The following MIB1 variants were observed in gnomAD, a reference collection of about 807,000 sequenced individuals.
MIB1 encodes the protein E3 ubiquitin-protein ligase MIB1.
In MIB1, 278 loss-of-function variants were observed where a neutral mutation model predicts 124.5. The ratio of observed to expected loss-of-function variants is 2.23; its 90% CI spans 2.02 to 2.47. The LOEUF (loss-of-function observed/expected upper bound fraction) is 2.47, where lower values mean the gene tolerates loss of function less well. Among genes scored for constraint, MIB1 ranks in the 30% most tolerant of loss-of-function variants. The pLI is 0.00. For synonymous variants in MIB1, 446 were observed against 429.4 expected (o/e 1.04, Z -0.48); for missense variants, 957 against 1,254.4 (o/e 0.76, Z 3.58).
Position 21,826,071 on chromosome 18 carries a change from C to A in MIB1, c.1829+6425C>A, listed in dbSNP as rs549123091. The A allele has an allele frequency of 2.7e-5, 6 of 224,522 alleles. No homozygotes were observed. The South Asian group carries it at 3.0e-4, about 11-fold the overall frequency. The allele number at this position is 224,522 out of a possible 1,614,324, so 13.9% of individuals were successfully genotyped here. On this transcript the variant is annotated intron_variant, in intron 12 of 20. Coordinates refer to ENST00000261537, the MANE Select transcript of MIB1 (RefSeq NM_020774.4). Reference sequence around the variant, plus strand: ...ATCTTGTCCACAGCCGAAGTCTTTGCTTAATTCTTACATGTAGACAATAAG... The same window carrying A: ...ATCTTGTCCACAGCCGAAGTCTTTGATTAATTCTTACATGTAGACAATAAG...
intron 16 of MIB1, among the ~76,000 whole-genome samples, chr18:21,848,909 GT>G (rs564930457): frequency 6.0e-5 from 9 of 149,428 alleles, no homozygotes; most frequent in Non-Finnish European, 1.0e-4. Context: ...TTTATGCTAA[GT>G]TTTTTTTTTA....
intron 10 of MIB1, among the ~76,000 whole-genome samples, chr18:21,814,985 A>C (rs1268058339): frequency 7.7e-6 from 1 of 130,552 alleles, no homozygotes; most frequent in African/African-American, 2.9e-5. Context: ...ATAAATGAGG[A>C]ATGCTGAAAG....
upstream of MIB1, among the ~76,000 whole-genome samples, chr18:21,737,472 A>G (rs1225066747): frequency 6.6e-6 from 1 of 152,214 alleles, no homozygotes; most frequent in Non-Finnish European, 1.5e-5. Flanking sequence ...TGCATCAGCT[A>G]ATGGGCAAAA....
At chr18:21,736,991 C>CA (rs2040799450), upstream of MIB1, among the ~76,000 whole-genome samples, 1 of 152,182 alleles carries the variant, frequency 6.6e-6, no homozygotes, top group Non-Finnish European at 1.5e-5. Context: ...GGCAGGCCAA[C>CA]ATTCAAATTC....
At chr18:21,838,773 A>G (rs2042056617) in intron 13 of MIB1, among the ~76,000 whole-genome samples, 2 of 152,160 alleles carry the variant, frequency 1.3e-5, no homozygotes, top group African/African-American at 4.8e-5. Flanking sequence ...GGCATCAACT[A>G]ACAGAGATTT....
rs1462658561 is a variant in MIB1, at chr18:21,768,744, A to AG, written c.527dup (p.Val178GlyfsTer14). 6.2e-7 allele frequency: 1 copy of AG among 1,610,352 alleles called. No individual in the cohort carries two copies. Among genetic ancestry groups the AG allele is most frequent in the Admixed American group, 1.7e-5 (1 of 59,824 alleles). On this transcript the variant is annotated frameshift_variant, in exon 3 of 21. Coordinates refer to ENST00000261537, the MANE Select transcript of MIB1 (RefSeq NM_020774.4). LOFTEE classifies it high-confidence loss of function. ...AGATCAAGATGGAGGAAATGGACGT[A>AG]GGGGAAAGGTACAGTGTTTCTCTGA...
intron 10 of MIB1, among the ~76,000 whole-genome samples, chr18:21,808,998 C>T (rs1598621556): frequency 6.6e-6 from 1 of 151,908 alleles, no homozygotes; most frequent in East Asian, 1.9e-4. Flanking sequence ...CAATACTAGA[C>T]TTTGTCAGAT....
At chr18:21,739,221 C>A (rs569758848), upstream of MIB1, among the ~76,000 whole-genome samples, 52 of 152,264 alleles carry the variant, frequency 3.4e-4, no homozygotes, top group African/African-American at 1.2e-3. Context: ...CATACACTCT[C>A]CCAAGACTAA....
intron 1 of MIB1, among the ~76,000 whole-genome samples, chr18:21,734,867 G>T (rs563220011): frequency 3.3e-5 from 5 of 152,232 alleles, no homozygotes; most frequent in African/African-American, 1.2e-4. Flanking sequence ...CCTTCTTAGT[G>T]CTTCAAACTA....
chr18:21,741,895 G>T lies in MIB1; in HGVS notation c.229+83G>T. ...GTGGGCGTCGGTGTCGCGGGGAGAG[G>T]TCTGCAGTGGGACACCTGGTGGGCA... On this transcript the variant is annotated intron_variant, in intron 1 of 20. Transcript: ENST00000261537. The surrounding 1 kb of genome is among the most constrained non-coding windows in gnomAD (Gnocchi z 5.4). 1 of 1,247,750 alleles carries T rather than the reference G, an allele frequency of 8.0e-7. No individual in the cohort carries two copies. Among genetic ancestry groups the T allele is most frequent in the Admixed American group, 2.5e-5 (1 of 39,820 alleles). The allele number at this position is 1,247,750 out of a possible 1,614,324, so 77.3% of individuals were successfully genotyped here. A position where few individuals can be genotyped will look rare whatever the true frequency, so the allele number is the denominator to read the frequency against.
At position 21,842,217 on chromosome 18, in the gene MIB1, A is replaced by G. The variant is rs147978257; in HGVS notation, c.1963-914A>G. On this transcript the variant is annotated intron_variant, in intron 13 of 20. Coordinates refer to ENST00000261537, the MANE Select transcript of MIB1 (RefSeq NM_020774.4). The stretch of plus-strand genomic sequence containing the variant: ...CCCATCTTGAAGAATATGACATAAC[A>G]TTACCAAAGTTTCAGCTCTGCATAC... Among the ~76,000 whole-genome samples the G allele has an allele frequency of 6.0e-3, 911 of 152,136 alleles. 18 individuals carry two copies. The highest frequency in any genetic ancestry group is 0.021 in the African/African-American group (877 of 41,514).
intron 1 of MIB1, among the ~76,000 whole-genome samples, chr18:21,713,859 A>T (rs902324464): frequency 6.6e-6 from 1 of 150,716 alleles, no homozygotes; most frequent in South Asian, 2.1e-4. Flanking sequence ...TCGGCCTCCC[A>T]AAGTGCTGGG....
intron 6 of MIB1, among the ~76,000 whole-genome samples, chr18:21,788,354 A>G (rs1394656667): frequency 6.6e-6 from 1 of 152,216 alleles, no homozygotes; most frequent in Non-Finnish European, 1.5e-5. Context: ...GATTGTATTC[A>G]AATCTTACGA....
At chr18:21,751,037 A>G (rs922287262) in intron 1 of MIB1, among the ~76,000 whole-genome samples, 7 of 151,890 alleles carry the variant, frequency 4.6e-5, no homozygotes, top group African/African-American at 1.7e-4. Context: ...TCTCTACAAA[A>G]AAATATAAAA....
At chr18:21,819,268 G>A (rs2041858266) in intron 11 of MIB1, among the ~76,000 whole-genome samples, 1 of 152,114 alleles carries the variant, frequency 6.6e-6, no homozygotes, top group African/African-American at 2.4e-5. Context: ...TGAACTCCTG[G>A]CCTCTGCTGA....
At chr18:21,707,401 G>A (rs2040643697) in intron 1 of MIB1, among the ~76,000 whole-genome samples, 1 of 152,202 alleles carries the variant, frequency 6.6e-6, no homozygotes, top group East Asian at 1.9e-4. Context: ...GGGCCGATAA[G>A]GGAATAAAAG....
intron 1 of MIB1, among the ~76,000 whole-genome samples, chr18:21,721,159 G>GTTTGTTTTTTTTTTTTTTTTTTTTTTT (rs2040712847): frequency 3.4e-5 from 1 of 29,758 alleles, no homozygotes; most frequent in Admixed American, 5.3e-4. Flanking sequence ...TTTTAAAGAA[G>GTTTGTTTTTTTTTTTTTTTTTTTTTTT]TTTTTTTTTT....
At chr18:21,735,702 G>A (rs761061296) in intron 1 of MIB1, among the ~76,000 whole-genome samples, 12 of 152,176 alleles carry the variant, frequency 7.9e-5, no homozygotes, top group Non-Finnish European at 1.6e-4. Context: ...AGGGGCATCC[G>A]CCATTGCTGA....
At chr18:21,730,442 C>CTG (rs1307876445) in intron 1 of MIB1, among the ~76,000 whole-genome samples, 1 of 152,156 alleles carries the variant, frequency 6.6e-6, no homozygotes, top group Non-Finnish European at 1.5e-5. Context: ...GTGGTGTGCG[C>CTG]CTGTAGTCCT....
Sources: allele counts gnomAD v4.1 joint callset (sites outside exome capture counted in the v4.1 genomes callset), GRCh38; gene constraint gnomAD v4.1.1; non-coding constraint Gnocchi (gnomAD v3.1); transcripts MANE v1.5; gene names NCBI Gene and HGNC (gene_info 2026-07-23, HGNC 2026-07-21).